The following MLYCD variants were observed in gnomAD, a reference collection of about 807,000 sequenced individuals.
MLYCD encodes the protein malonyl-CoA decarboxylase.
A neutral mutation model predicts 35.8 loss-of-function variants in MLYCD; 27 were observed. That is an observed-to-expected ratio of 0.75 (90% confidence interval 0.56 to 1.04). The LOEUF (loss-of-function observed/expected upper bound fraction) is 1.04, where lower values mean the gene tolerates loss of function less well. MLYCD is among the 50% of genes least tolerant of loss of function. The probability of loss-of-function intolerance (pLI) is 0.00; values close to 1 mark genes in which losing one functional copy is unlikely to be tolerated. For missense variants in MLYCD, 917 were observed against 665.1 expected (o/e 1.38, Z -4.17); for synonymous variants, 403 against 302.4 (o/e 1.33, Z -3.45).
At position 83,914,887 on chromosome 16, in the gene MLYCD, CTG is replaced by C. The variant is rs1907315082; in HGVS notation, c.949-67_949-66del. Reference sequence around the variant, plus strand: ...GAGCCGTAGGTTAAGAGGTGCTCCTCTGTTGGTAACGTACCTGCTGAATTTGT... The same window carrying C: ...GAGCCGTAGGTTAAGAGGTGCTCCTCTTGGTAACGTACCTGCTGAATTTGT... On this transcript the variant is annotated intron_variant, in intron 4 of 4. Transcript: ENST00000262430. 3.7e-6 allele frequency: 6 copies of C among 1,606,306 alleles called. No individual in the cohort carries two copies. In the South Asian group the frequency reaches 6.6e-5, roughly 18 times the overall value.
At position 83,915,963 on chromosome 16, in the gene MLYCD, G is replaced by C. The variant is rs1316113173; in HGVS notation, c.*474G>C. On this transcript the variant is annotated 3_prime_UTR_variant, in exon 5 of 5. Coordinates refer to ENST00000262430, the MANE Select transcript of MLYCD (RefSeq NM_012213.3). ...CGTTTCTCACCATGCAATGCAGAGGGACAAAGGGCTGTGCTACACTTCCCA... is the reference window on the plus strand; with the variant it reads ...CGTTTCTCACCATGCAATGCAGAGGCACAAAGGGCTGTGCTACACTTCCCA... The C allele has an allele frequency of 9.5e-7, 1 of 1,048,360 alleles. No individual in the cohort carries two copies. Among genetic ancestry groups the C allele is most frequent in the African/African-American group, 1.7e-5 (1 of 60,488 alleles). 64.9% of individuals were successfully genotyped at this position (1,048,360 alleles called of 1,614,324 possible). A position where few individuals can be genotyped will look rare whatever the true frequency, so the allele number is the denominator to read the frequency against.
intron 3 of MLYCD, among the ~76,000 whole-genome samples, chr16:83,910,141 A>C (rs1296797964): frequency 6.6e-6 from 1 of 151,564 alleles, no homozygotes; most frequent in African/African-American, 2.4e-5. Context: ...AAAGGTGTTC[A>C]TCAAAAGGGC....
chr16:83,908,142 C>T lies in MLYCD; in HGVS notation c.658C>T (p.Pro220Ser), dbSNP rs1295250260. ...CCGCCCCAGGGCTGAGGCTGTGCAT[C>T]CTGTAAAAAACTGGATGGACATGAA... Reference protein sequence around the residue: ...QKISEAEAVHPVKNWMDMKRR... With the variant: ...QKISEAEAVHSVKNWMDMKRR... Residue 220 changes from proline (P) to serine (S), a missense_variant, in exon 3 of 5, where the codon CCT becomes TCT. Transcript: ENST00000262430. 2 of 1,614,182 alleles carry T rather than the reference C, an allele frequency of 1.2e-6. No individual in the cohort carries two copies. Among genetic ancestry groups the T allele is most frequent in the Middle Eastern group, 1.6e-4 (1 of 6,062 alleles).
rs1204819007 is a variant in MLYCD, at chr16:83,912,364, G to A, written c.945G>A (p.Leu315=). Residue 315 remains leucine (L), a synonymous_variant, in exon 4 of 5, where the codon TTG becomes TTA. Transcript: ENST00000262430. Reference sequence around the variant, plus strand: ...TCATAAAGCGAGTCGTCAAGGAGTTGCAGGTAAGCGACACGCAGGGAGCCC... The same window carrying A: ...TCATAAAGCGAGTCGTCAAGGAGTTACAGGTAAGCGACACGCAGGGAGCCC... ...TFLIKRVVKE[L]QREFPHLGVF... is the part of the protein sequence containing the mutation. 1 of 1,614,032 alleles carries A rather than the reference G, an allele frequency of 6.2e-7. No homozygotes were observed. The highest frequency in any genetic ancestry group is 1.3e-5 in the African/African-American group (1 of 74,918).
chr16:83,908,863 C>T (rs1375633237), intron 3 of MLYCD, among the ~76,000 whole-genome samples: 1 of 152,180 alleles, frequency 6.6e-6, no homozygotes, highest in African/African-American at 2.4e-5. Flanking sequence ...GAGCACATTG[C>T]AGGGTCTGGA....
chr16:83,899,485 A>G lies in MLYCD; in HGVS notation c.341A>G (p.Gln114Arg), dbSNP rs780993211. The G allele has an allele frequency of 2.6e-6, 4 of 1,562,892 alleles. No homozygotes were observed. The East Asian group carries it at 7.3e-5, about 29-fold the overall frequency. ...EQSAGVLHLR[Q>R]QQREAAVLLQ... is the part of the protein sequence containing the mutation. ...AGCGCCGGCGTGCTCCATCTGCGCC[A>G]GCAGCAGCGGGAGGCGGCGGTGCTG... The change falls in exon 1 of 5, where the codon CAG becomes CGG. Residue 114 changes from glutamine to arginine, a missense_variant. By Grantham distance (43) the Gln-to-Arg change is conservative. Coordinates refer to ENST00000262430, the MANE Select transcript of MLYCD (RefSeq NM_012213.3).
chr16:83,899,527 G>C lies in MLYCD; in HGVS notation c.383G>C (p.Arg128Pro), dbSNP rs1437124227. 6.3e-7 allele frequency: 1 copy of C among 1,589,744 alleles called. No individual in the cohort carries two copies. Among genetic ancestry groups the C allele is most frequent in the African/African-American group, 1.4e-5 (1 of 73,680 alleles). ...GCGGTGCTGCTGCAGGCCGAGGACCGGCTGCGCTACGCGCTGGTGCCGCGC... is the reference window on the plus strand; with the variant it reads ...GCGGTGCTGCTGCAGGCCGAGGACCCGCTGCGCTACGCGCTGGTGCCGCGC... ...EAAVLLQAEDRLRYALVPRYR... is the reference protein window; with the variant it reads ...EAAVLLQAEDPLRYALVPRYR... Residue 128 changes from arginine to proline, a missense_variant, in exon 1 of 5, where the codon CGG (arginine) becomes CCG (proline). Arg to Pro is a moderately radical substitution (Grantham distance 103). Coordinates refer to ENST00000262430, the MANE Select transcript of MLYCD (RefSeq NM_012213.3).
At chr16:83,911,897 A>C in intron 3 of MLYCD, 1 of 373,964 alleles carries the variant, frequency 2.7e-6, no homozygotes, top group Non-Finnish European at 5.1e-6. Context: ...CGGAGAGTTT[A>C]TGGAGCAAGT....
rs1311500704 is a variant in MLYCD at position 83,920,340 on chromosome 16, C to T, written c.*4851C>T. The T allele has an allele frequency of 3.3e-5, 5 of 152,238 alleles. No homozygotes were observed. Among genetic ancestry groups the T allele is most frequent in the East Asian group, 1.9e-4 (1 of 5,200 alleles). The allele number at this position is 152,238 out of a possible 1,614,324, so 9.4% of individuals were successfully genotyped here. A position where few individuals can be genotyped will look rare whatever the true frequency, so the allele number is the denominator to read the frequency against. On this transcript the variant is annotated 3_prime_UTR_variant, in exon 5 of 5. Transcript: ENST00000262430. Reference sequence around the variant, plus strand: ...GGCAGCTAGCAGCTTTGACTAGCAGCTCATCTCACCAGGCTGAGGTCGCTG... The same window carrying T: ...GGCAGCTAGCAGCTTTGACTAGCAGTTCATCTCACCAGGCTGAGGTCGCTG...
At position 83,910,445 on chromosome 16, in the gene MLYCD, G is replaced by A. The variant is rs537119805; in HGVS notation, c.799-1773G>A. Among the ~76,000 whole-genome samples, 10 of 152,098 alleles carry A rather than the reference G, an allele frequency of 6.6e-5. No homozygotes were observed. The East Asian group carries it at 1.6e-3, about 24-fold the overall frequency. ...CTCGCGCCCAGAATCCCAACACCCC[G>A]GGAGGCTGAGGAGGCAGCCGGATCA... On this transcript the variant is annotated intron_variant, in intron 3 of 4. Coordinates refer to ENST00000262430, the MANE Select transcript of MLYCD (RefSeq NM_012213.3).
chr16:83,912,222 TC>T lies in MLYCD; in HGVS notation c.804del (p.Ile268MetfsTer2). ...TGDISSNIQA[I>X]VKEHPPSETE... is the part of the protein sequence containing the mutation. ...ACCATCGTTGGTGTTTTCCAGGCAATCGTGAAGGAACATCCTCCATCAGAAA... is the reference window on the plus strand; with the variant it reads ...ACCATCGTTGGTGTTTTCCAGGCAATGTGAAGGAACATCCTCCATCAGAAA... On this transcript the variant is annotated frameshift_variant, in exon 4 of 5. Coordinates refer to ENST00000262430, the MANE Select transcript of MLYCD (RefSeq NM_012213.3). LOFTEE classifies it high-confidence loss of function. 1 of 1,614,128 alleles carries T rather than the reference TC, an allele frequency of 6.2e-7. No homozygotes were observed. Among genetic ancestry groups the T allele is most frequent in the Non-Finnish European group, 8.5e-7 (1 of 1,180,026 alleles).
rs537766958 is a variant in MLYCD, at chr16:83,922,001, T to G, written c.*6512T>G. The G allele has an allele frequency of 6.6e-6, 1 of 152,282 alleles. No individual in the cohort carries two copies. Among genetic ancestry groups the G allele is most frequent in the African/African-American group, 2.4e-5 (1 of 41,548 alleles). 9.4% of individuals were successfully genotyped at this position (152,282 alleles called of 1,614,324 possible). A position where few individuals can be genotyped will look rare whatever the true frequency, so the allele number is the denominator to read the frequency against. ...TCACAGACCTGGTTTCCATCCCACT[T>G]GCTCTCAGGAACCCTGGGCAACAAC... On this transcript the variant is annotated 3_prime_UTR_variant, in exon 5 of 5. Transcript: ENST00000262430.
rs989650819 is a variant in MLYCD at position 83,925,762 on chromosome 16, C to G, written c.*10273C>G. On this transcript the variant is annotated 3_prime_UTR_variant, in exon 5 of 5. Coordinates refer to ENST00000262430, the MANE Select transcript of MLYCD (RefSeq NM_012213.3). The stretch of plus-strand genomic sequence containing the variant: ...TGCTCCTCCCTCTTCTTGAAACGCT[C>G]TCCCCTCCCTGCCTCCCAGGCAATG... The G allele has an allele frequency of 2.0e-5, 3 of 152,944 alleles. No homozygotes were observed. Among genetic ancestry groups the G allele is most frequent in the Non-Finnish European group, 2.9e-5 (2 of 68,394 alleles). The allele number at this position is 152,944 out of a possible 1,614,324, so 9.5% of individuals were successfully genotyped here. A position where few individuals can be genotyped will look rare whatever the true frequency, so the allele number is the denominator to read the frequency against.
In MLYCD at chr16:83,924,795, C is replaced by T. The variant is rs1308742468; in HGVS notation, c.*9306C>T. On this transcript the variant is annotated 3_prime_UTR_variant, in exon 5 of 5. Transcript: ENST00000262430. The stretch of plus-strand genomic sequence containing the variant: ...TCTCACCGAGGCCCCCGGTGACCTC[C>T]TAGGGGGTACATCCAGCCAGGTTCC... 1 of 152,000 alleles carries T rather than the reference C, an allele frequency of 6.6e-6. No homozygotes were observed. The highest frequency in any genetic ancestry group is 1.5e-5 in the Non-Finnish European group (1 of 67,902). The allele number at this position is 152,000 out of a possible 1,614,324, so 9.4% of individuals were successfully genotyped here.
At chr16:83,913,375 G>T (rs1343113735) in intron 4 of MLYCD, 5 of 152,488 alleles carry the variant, frequency 3.3e-5, no homozygotes, top group Non-Finnish European at 5.9e-5. Context: ...GCAGGAAGAG[G>T]AGGAGCAGAT....
In MLYCD at chr16:83,924,463, C is replaced by T. The variant is rs1004318814; in HGVS notation, c.*8974C>T. Reference sequence around the variant, plus strand: ...AGCTCCCGTGCGTCTGTGACAGAGGCTTGAACCCCCGGCTTGTTCTCTCAC... The same window carrying T: ...AGCTCCCGTGCGTCTGTGACAGAGGTTTGAACCCCCGGCTTGTTCTCTCAC... On this transcript the variant is annotated 3_prime_UTR_variant, in exon 5 of 5. Transcript: ENST00000262430. The T allele has an allele frequency of 6.6e-6, 1 of 152,208 alleles. No homozygotes were observed. The highest frequency in any genetic ancestry group is 1.5e-5 in the Non-Finnish European group (1 of 68,062). 9.4% of individuals were successfully genotyped at this position (152,208 alleles called of 1,614,324 possible).
In MLYCD at chr16:83,922,973, C is replaced by T. The variant is rs912541113; in HGVS notation, c.*7484C>T. 6.6e-6 allele frequency: 1 copy of T among 152,298 alleles called. No homozygotes were observed. Among genetic ancestry groups the T allele is most frequent in the Non-Finnish European group, 1.5e-5 (1 of 68,122 alleles). 9.4% of individuals were successfully genotyped at this position (152,298 alleles called of 1,614,324 possible). A position where few individuals can be genotyped will look rare whatever the true frequency, so the allele number is the denominator to read the frequency against. ...GATGGCTGAGCACCCTTGTCATACT[C>T]CTCAGGGAGAGCCCAGGCCACCGGC... is the stretch of plus-strand genomic sequence containing the variant. On this transcript the variant is annotated 3_prime_UTR_variant, in exon 5 of 5. Coordinates refer to ENST00000262430, the MANE Select transcript of MLYCD (RefSeq NM_012213.3).
rs1567636823 is a variant in MLYCD at position 83,914,969 on chromosome 16, A to C, written c.962A>C (p.His321Pro). Residue 321 changes from histidine (H) to proline (P), a missense_variant, in exon 5 of 5, where the codon CAC becomes CCC. By Grantham distance (77) the His-to-Pro change is moderately conservative (BLOSUM62 -2). Transcript: ENST00000262430. ...CATGCTTTACAGAGAGAGTTTCCTC[A>C]CCTTGGGGTGTTTTCAAGTCTGTCA... ...VVKELQREFP[H>P]LGVFSSLSPI... is the part of the protein sequence containing the mutation. 6.2e-7 allele frequency: 1 copy of C among 1,614,170 alleles called. No homozygotes were observed. Among genetic ancestry groups the C allele is most frequent in the East Asian group, 2.2e-5 (1 of 44,878 alleles).
rs1453758166 is a variant in MLYCD, at chr16:83,925,573, C to T, written c.*10084C>T. The stretch of plus-strand genomic sequence containing the variant: ...TCAGGTTCCATCTCTCCTCTCCTTT[C>T]CTACCTCCCACCATCCCCGTCACCC... On this transcript the variant is annotated 3_prime_UTR_variant, in exon 5 of 5. Coordinates refer to ENST00000262430, the MANE Select transcript of MLYCD (RefSeq NM_012213.3). 1 of 152,524 alleles carries T rather than the reference C, an allele frequency of 6.6e-6. No homozygotes were observed. The highest frequency in any genetic ancestry group is 2.4e-5 in the African/African-American group (1 of 41,470). 9.4% of individuals were successfully genotyped at this position (152,524 alleles called of 1,614,324 possible).
Sources: allele counts gnomAD v4.1 joint callset (sites outside exome capture counted in the v4.1 genomes callset), GRCh38; gene constraint gnomAD v4.1.1; transcripts MANE v1.5; gene names NCBI Gene and HGNC (gene_info 2026-07-23, HGNC 2026-07-21).